HS6ST1: variants seen among roughly 807,000 people sequenced by gnomAD.
HS6ST1 encodes the protein heparan sulfate 6-O-sulfotransferase 1.
HS6ST1 carries 3 observed loss-of-function variants against 25.2 expected under a neutral mutation model. The ratio of observed to expected loss-of-function variants is 0.12; its 90% CI spans 0.05 to 0.31. The LOEUF is 0.31. HS6ST1 is among the 10% of genes least tolerant of loss of function. HS6ST1 has a pLI of 1.00. For synonymous variants in HS6ST1, 204 were observed against 275.1 expected (o/e 0.74, Z 2.56); for missense variants, 310 against 609.6 (o/e 0.51, Z 5.18).
intron 1 of HS6ST1, among the ~76,000 whole-genome samples, chr2:128,283,843 G>C (rs1377982189): frequency 1.3e-5 from 2 of 152,302 alleles, no homozygotes; most frequent in East Asian, 3.9e-4. Context: ...CGCCACTCCT[G>C]CCGAAACATC....
At chr2:128,276,335 C>T (rs552486626) in intron 1 of HS6ST1, among the ~76,000 whole-genome samples, 2 of 152,288 alleles carry the variant, frequency 1.3e-5, no homozygotes, top group East Asian at 1.9e-4. Context: ...GGGATTTCAC[C>T]ATGTTGGCCA....
At chr2:128,271,365 G>A (rs1693606835) in intron 1 of HS6ST1, among the ~76,000 whole-genome samples, 1 of 152,212 alleles carries the variant, frequency 6.6e-6, no homozygotes, top group Non-Finnish European at 1.5e-5. Context: ...TAATGACTGA[G>A]GGAGCAGGCA....
At chr2:128,306,365 C>T (rs940356214) in intron 1 of HS6ST1, among the ~76,000 whole-genome samples, 1 of 152,072 alleles carries the variant, frequency 6.6e-6, no homozygotes, top group African/African-American at 2.4e-5. Flanking sequence ...AACGCAGCTG[C>T]ACGCTCCACA....
intron 1 of HS6ST1, among the ~76,000 whole-genome samples, chr2:128,317,081 C>T (rs992985382): frequency 6.6e-6 from 1 of 152,246 alleles, no homozygotes; most frequent in African/African-American, 2.4e-5. Flanking sequence ...AAAGGCCCCG[C>T]AGGGCATCCC....
intron 1 of HS6ST1, among the ~76,000 whole-genome samples, chr2:128,279,994 C>T (rs778968575): frequency 1.3e-5 from 2 of 152,206 alleles, no homozygotes; most frequent in Non-Finnish European, 2.9e-5. Flanking sequence ...CGGAAAGCGA[C>T]CGGGCCTCAC....
chr2:128,271,233 T>C (rs540575289), intron 1 of HS6ST1, among the ~76,000 whole-genome samples: 1 of 152,356 alleles, frequency 6.6e-6, no homozygotes, highest in Admixed American at 6.5e-5. Flanking sequence ...CTTGGCACCC[T>C]GCAGATGGGG....
In HS6ST1 at chr2:128,268,420, G is replaced by A. The variant is rs368111896; in HGVS notation, c.978C>T (p.Gly326=). 1.0e-4 allele frequency: 164 copies of A among 1,613,604 alleles called. No homozygotes were observed. Among genetic ancestry groups the A allele is most frequent in the Middle Eastern group, 8.3e-4 (5 of 6,052 alleles). ...FMQYNSTRAG[G]VEVDEDTIRR... ...GGATGGTGTCTTCATCCACCTCCAC[G>A]CCGCCCGCCCGCGTGCTATTGTACT... Residue 326 remains glycine, a synonymous_variant, in exon 2 of 2, where the codon GGC becomes GGT. Transcript: ENST00000259241.
At chr2:128,292,088 G>A (rs1693961311) in intron 1 of HS6ST1, among the ~76,000 whole-genome samples, 1 of 152,232 alleles carries the variant, frequency 6.6e-6, no homozygotes. Context: ...AGGCGGCACA[G>A]GGCAACAGTG....
intron 1 of HS6ST1, among the ~76,000 whole-genome samples, chr2:128,307,697 A>G (rs910634581): frequency 6.6e-6 from 1 of 152,220 alleles, no homozygotes; most frequent in Non-Finnish European, 1.5e-5. Flanking sequence ...ATGGGGAAAC[A>G]TGCACTAAGA....
In HS6ST1 at chr2:128,286,575, C is replaced by G. The variant is rs137982963; in HGVS notation, c.528-17705G>C. On this transcript the variant is annotated intron_variant, in intron 1 of 1. Transcript: ENST00000259241. The stretch of plus-strand genomic sequence containing the variant: ...AGGCCATCCAAATGCACGGGTTGGT[C>G]AGAAGAGGAAATGAGTTCATGGTTT... Among the ~76,000 whole-genome samples the G allele has an allele frequency of 9.2e-3, 1,402 of 152,244 alleles. 24 individuals carry two copies. Among genetic ancestry groups the G allele is most frequent in the African/African-American group, 0.032 (1,315 of 41,544 alleles).
In HS6ST1 at chr2:128,265,969, G is replaced by C. The variant is rs1313882251; in HGVS notation, c.*2193C>G. On this transcript the variant is annotated 3_prime_UTR_variant, in exon 2 of 2. Coordinates refer to ENST00000259241, the MANE Select transcript of HS6ST1 (RefSeq NM_004807.3). Reference sequence around the variant, plus strand: ...GCACTGCCAGCTGCCGCCGCCTCTGGACACCTCAGCCCGGCGCTGGCCCGA... The same window carrying C: ...GCACTGCCAGCTGCCGCCGCCTCTGCACACCTCAGCCCGGCGCTGGCCCGA... The C allele has an allele frequency of 2.6e-5, 4 of 151,628 alleles. No individual in the cohort carries two copies. Among genetic ancestry groups the C allele is most frequent in the African/African-American group, 9.7e-5 (4 of 41,232 alleles). 9.4% of individuals were successfully genotyped at this position (151,628 alleles called of 1,614,324 possible).
At position 128,296,701 on chromosome 2, in the gene HS6ST1, TGAAA is replaced by T. The variant is rs146515022; in HGVS notation, c.527+21332_527+21335del. Among the ~76,000 whole-genome samples, 39 of 152,226 alleles carry T rather than the reference TGAAA, an allele frequency of 2.6e-4. No individual in the cohort carries two copies. The East Asian group carries it at 6.6e-3, about 26-fold the overall frequency. On this transcript the variant is annotated intron_variant, in intron 1 of 1. Transcript: ENST00000259241. ...TAAACTAAAAACTACAAAACACTGA[TGAAA>T]GAAATTAAAGACAACCCCAGTAAAT... is the stretch of plus-strand genomic sequence containing the variant.
intron 1 of HS6ST1, among the ~76,000 whole-genome samples, chr2:128,276,558 G>A (rs981791024): frequency 2.6e-5 from 4 of 152,162 alleles, no homozygotes; most frequent in African/African-American, 7.2e-5. Context: ...TCATGTCCTC[G>A]TGCCTCCGGT....
chr2:128,305,261 C>G (rs73956995), intron 1 of HS6ST1, among the ~76,000 whole-genome samples: 16,042 of 152,278 alleles, frequency 0.11, 993 homozygotes, highest in African/African-American at 0.17. Flanking sequence ...GGGAACGTTG[C>G]CAGCCCAGCT....
chr2:128,280,684 AGAG>A (rs59861002), intron 1 of HS6ST1, among the ~76,000 whole-genome samples: 9,452 of 152,212 alleles, frequency 0.062, 978 homozygotes, highest in African/African-American at 0.22. Flanking sequence ...CGTCTGTAGA[AGAG>A]TAGTCAGATT....
intron 1 of HS6ST1, among the ~76,000 whole-genome samples, chr2:128,275,522 G>T (rs534025648): frequency 2.0e-5 from 3 of 152,258 alleles, no homozygotes; most frequent in African/African-American, 7.2e-5. Flanking sequence ...AAGCCAACTG[G>T]AACTACCTGT....
intron 1 of HS6ST1, among the ~76,000 whole-genome samples, chr2:128,315,001 G>A (rs1694341313): frequency 6.6e-6 from 1 of 152,248 alleles, no homozygotes; most frequent in Non-Finnish European, 1.5e-5. Context: ...GGAGTGTGGG[G>A]TGCTGAGACA....
chr2:128,318,709 C>A lies in HS6ST1; in HGVS notation c.-146G>T, dbSNP rs1694417052. On this transcript the variant is annotated 5_prime_UTR_variant, in exon 1 of 2. Transcript: ENST00000259241. The surrounding 1 kb of genome is among the most constrained non-coding windows in gnomAD (Gnocchi z 5.7). The stretch of plus-strand genomic sequence containing the variant: ...CGCCCGCAGCGGCGCGGGCCCCGAC[C>A]CTCCGCGGTGCCATGGCTGCTCCCC... 6.7e-6 allele frequency: 1 copy of A among 149,618 alleles called. No individual in the cohort carries two copies. Among genetic ancestry groups the A allele is most frequent in the Non-Finnish European group, 1.5e-5 (1 of 68,634 alleles). 9.3% of individuals were successfully genotyped at this position (149,618 alleles called of 1,614,324 possible).
intron 1 of HS6ST1, among the ~76,000 whole-genome samples, chr2:128,312,858 G>A (rs1025825108): frequency 6.6e-6 from 1 of 152,146 alleles, no homozygotes; most frequent in Non-Finnish European, 1.5e-5. Flanking sequence ...TCCCGAGTTC[G>A]AGACTAGCCT....
Sources: allele counts gnomAD v4.1 joint callset (sites outside exome capture counted in the v4.1 genomes callset), GRCh38; gene constraint gnomAD v4.1.1; non-coding constraint Gnocchi (gnomAD v3.1); transcripts MANE v1.5; gene names NCBI Gene and HGNC (gene_info 2026-07-23, HGNC 2026-07-21).